Variants in RABGAP1L observed in about 807,000 individuals in gnomAD.
The protein encoded by RABGAP1L is rab GTPase-activating protein 1-like.
A neutral mutation model predicts 137.7 loss-of-function variants in RABGAP1L; 63 were observed. The observed-to-expected ratio is 0.46, with a 90% confidence interval of 0.37 to 0.56. RABGAP1L has a LOEUF of 0.56. RABGAP1L is among the 20% of genes least tolerant of loss of function. The pLI is 0.00. For missense variants in RABGAP1L, 1,095 were observed against 1,244.0 expected, an observed-to-expected ratio of 0.88 and a Z score of 1.80; for synonymous variants, 431 against 433.7, an observed-to-expected ratio of 0.99 and a Z score of 0.08.
chr1:174,409,857 A>T (rs530050181), intron 13 of RABGAP1L, among the ~76,000 whole-genome samples: 1 of 152,186 alleles, frequency 6.6e-6, no homozygotes, highest in African/African-American at 2.4e-5. Context: ...CTGCTCTCGA[A>T]CCCTGTTTTC....
At chr1:174,827,216 C>T (rs1025607748) in intron 19 of RABGAP1L, among the ~76,000 whole-genome samples, 1 of 152,100 alleles carries the variant, frequency 6.6e-6, no homozygotes, top group Non-Finnish European at 1.5e-5. Context: ...GTGATTATAG[C>T]TCACTGCAAT....
intron 11 of RABGAP1L, among the ~76,000 whole-genome samples, chr1:174,325,949 C>T (rs570094503): frequency 3.3e-5 from 5 of 152,344 alleles, no homozygotes; most frequent in South Asian, 2.1e-4. Flanking sequence ...AGGGACCTTC[C>T]GTGGGTCTAT....
Position 174,597,501 on chromosome 1 carries a change from A to G in RABGAP1L, c.1711-39874A>G, listed in dbSNP as rs545245836. Among the ~76,000 whole-genome samples the G allele has an allele frequency of 2.0e-3, 299 of 151,984 alleles. 1 individual carries two copies. The highest frequency in any genetic ancestry group is 6.8e-3 in the African/African-American group (284 of 41,480). ...TCTAGGTTTTCTGATTTATTGGCAT[A>G]TGGTTGTTGATAGTAGCTTCTAATG... On this transcript the variant is annotated intron_variant, in intron 13 of 25. Coordinates refer to ENST00000681986, the MANE Select transcript of RABGAP1L (RefSeq NM_001366446.1).
chr1:174,465,106 G>A (rs1374256772), intron 13 of RABGAP1L, among the ~76,000 whole-genome samples: 1 of 151,992 alleles, frequency 6.6e-6, no homozygotes, highest in Non-Finnish European at 1.5e-5. Context: ...AGCTTTTCTG[G>A]CACATGAAAA....
At chr1:174,809,643 C>T (rs1185340814) in intron 18 of RABGAP1L, among the ~76,000 whole-genome samples, 1 of 152,154 alleles carries the variant, frequency 6.6e-6, no homozygotes, top group Non-Finnish European at 1.5e-5. Context: ...GAGGTGCCTT[C>T]AGAGGACTTT....
chr1:174,556,175 T>G (rs1666872171), intron 13 of RABGAP1L, among the ~76,000 whole-genome samples: 1 of 151,856 alleles, frequency 6.6e-6, no homozygotes, highest in Non-Finnish European at 1.5e-5. Flanking sequence ...TTTTTGTATT[T>G]TTAGTAGAAA....
intron 13 of RABGAP1L, among the ~76,000 whole-genome samples, chr1:174,482,519 C>T (rs1483071082): frequency 1.3e-5 from 2 of 152,200 alleles, no homozygotes; most frequent in Non-Finnish European, 2.9e-5. Flanking sequence ...AAAACAGAGT[C>T]TTGCTCTGTT....
chr1:174,930,435 A>T (rs1052292522), intron 19 of RABGAP1L, among the ~76,000 whole-genome samples: 29 of 151,418 alleles, frequency 1.9e-4, no homozygotes, highest in African/African-American at 6.8e-4. Flanking sequence ...CTCCTACCTC[A>T]GTCTCTCTGG....
chr1:174,462,178 C>T lies in RABGAP1L; in HGVS notation c.1710+68033C>T, dbSNP rs568552396. Among the ~76,000 whole-genome samples the T allele has an allele frequency of 3.3e-5, 5 of 152,162 alleles. No homozygotes were observed. In the East Asian group the frequency reaches 9.7e-4, roughly 29 times the overall value. ...GTGCTCAGGGCTGAATAAAATGTTA[C>T]GTGTGTGATATGACTAGTAACAGAT... On this transcript the variant is annotated intron_variant, in intron 13 of 25. Coordinates refer to ENST00000681986, the MANE Select transcript of RABGAP1L (RefSeq NM_001366446.1).
At position 174,814,038 on chromosome 1, in the gene RABGAP1L, A is replaced by G. The variant is rs79361551; in HGVS notation, c.2340+2078A>G. On this transcript the variant is annotated intron_variant, in intron 19 of 25. Coordinates refer to ENST00000681986, the MANE Select transcript of RABGAP1L (RefSeq NM_001366446.1). ...AAACCCAGGAAAACAATTGAAAAAC[A>G]TGAAATGTATAGGGAAAATTTTTTT... Among the ~76,000 whole-genome samples the G allele has an allele frequency of 4.1e-3, 627 of 152,324 alleles. 6 individuals are homozygous for G. Among genetic ancestry groups the G allele is most frequent in the African/African-American group, 0.012 (511 of 41,574 alleles).
At chr1:174,820,931 TG>T (rs1279633661) in intron 19 of RABGAP1L, among the ~76,000 whole-genome samples, 1 of 151,696 alleles carries the variant, frequency 6.6e-6, no homozygotes, top group East Asian at 1.9e-4. Context: ...GCGTGGGAAT[TG>T]CTGGAGTCCG....
intron 19 of RABGAP1L, among the ~76,000 whole-genome samples, chr1:174,907,726 C>G (rs1478393599): frequency 3.3e-5 from 5 of 151,902 alleles, no homozygotes; most frequent in Admixed American, 3.3e-4. Context: ...ATAAAAGCAA[C>G]AAATTTACTA....
chr1:174,782,948 G>A (rs1018995957), intron 18 of RABGAP1L, among the ~76,000 whole-genome samples: 1 of 152,162 alleles, frequency 6.6e-6, no homozygotes, highest in Non-Finnish European at 1.5e-5. Flanking sequence ...AGCTGGGATC[G>A]GGCAACCCCC....
intron 13 of RABGAP1L, among the ~76,000 whole-genome samples, chr1:174,443,796 T>C (rs1247236611): frequency 6.6e-6 from 1 of 152,030 alleles, no homozygotes; most frequent in African/African-American, 2.4e-5. Flanking sequence ...TTTCTTGTAT[T>C]AGCTGCATAG....
chr1:174,665,443 C>T (rs1163306692), intron 14 of RABGAP1L, among the ~76,000 whole-genome samples: 28 of 150,200 alleles, frequency 1.9e-4, no homozygotes, highest in Non-Finnish European at 3.1e-4. Context: ...CGCCCCGCCC[C>T]GCCCCGCCTC....
intron 19 of RABGAP1L, among the ~76,000 whole-genome samples, chr1:174,849,094 G>C (rs971402625): frequency 2.6e-5 from 4 of 152,120 alleles, no homozygotes; most frequent in South Asian, 2.1e-4. Context: ...GCTCGCGCAC[G>C]GTGCGTGCAC....
chr1:174,514,262 A>AC lies in RABGAP1L; in HGVS notation c.1710+120117_1710+120118insC, dbSNP rs1457053172. 1.3e-4 allele frequency among the ~76,000 whole-genome samples: 19 copies of AC among 151,294 alleles called. 1 individual carries two copies. Among genetic ancestry groups the AC allele is most frequent in the Admixed American group, 6.6e-4 (10 of 15,192 alleles). ...TATTTTAAGCCAAAAAAAAAAAAAA[A>AC]AAAAAAAACTGGGGAGGGATCTTCG... On this transcript the variant is annotated intron_variant, in intron 13 of 25. Coordinates refer to ENST00000681986, the MANE Select transcript of RABGAP1L (RefSeq NM_001366446.1).
chr1:174,414,349 T>TTG (rs1244369423), intron 13 of RABGAP1L, among the ~76,000 whole-genome samples: 5 of 152,250 alleles, frequency 3.3e-5, no homozygotes, highest in African/African-American at 1.2e-4. Flanking sequence ...TTATGTGTTG[T>TTG]TTTTTATTTG....
chr1:174,923,228 A>G (rs906247850), intron 19 of RABGAP1L, among the ~76,000 whole-genome samples: 19 of 152,176 alleles, frequency 1.2e-4, no homozygotes, highest in Non-Finnish European at 2.4e-4. Context: ...ATAATAGCAC[A>G]TGGGACATAG....
Sources: allele counts gnomAD v4.1 joint callset (sites outside exome capture counted in the v4.1 genomes callset), GRCh38; gene constraint gnomAD v4.1.1; transcripts MANE v1.5; gene names NCBI Gene and HGNC (gene_info 2026-07-23, HGNC 2026-07-21).